PACC1: variants seen among roughly 807,000 people sequenced by gnomAD.
The protein encoded by PACC1 is proton-activated chloride channel.
In PACC1, 34 loss-of-function variants were observed where a neutral mutation model predicts 39.7. The observed-to-expected ratio is 0.86, with a 90% CI of 0.65 to 1.14. The LOEUF (loss-of-function observed/expected upper bound fraction) is 1.14. PACC1 is among the 50% of genes most tolerant of loss of function. The pLI, the probability that PACC1 is intolerant of heterozygous loss-of-function variation, is 0.00. For missense variants in PACC1, 379 were observed against 436.4 expected (o/e 0.87, Z 1.17); for synonymous variants, 127 against 160.6 (o/e 0.79, Z 1.58).
Position 212,407,227 on chromosome 1 carries a change from T to C in PACC1, c.133+3198A>G, listed in dbSNP as rs111488122. Among the ~76,000 whole-genome samples, 590 of 152,206 alleles carry C rather than the reference T, an allele frequency of 3.9e-3. 3 individuals carry two copies. The highest frequency in any genetic ancestry group is 0.014 in the African/African-American group (570 of 41,512). On this transcript the variant is annotated intron_variant, in intron 2 of 7. Coordinates refer to ENST00000261455, the MANE Select transcript of PACC1 (RefSeq NM_018252.3). ...GAGAGTCAGCATCAGAGTGATGTCA[T>C]GTGAGAAAGACTCGACGAGCCACTG...
intron 7 of PACC1, among the ~76,000 whole-genome samples, chr1:212,370,478 A>G (rs933599072): frequency 6.6e-6 from 1 of 152,224 alleles, no homozygotes; most frequent in East Asian, 1.9e-4. Context: ...CAAAACTCCA[A>G]CTGCTACAGA....
intron 4 of PACC1, among the ~76,000 whole-genome samples, chr1:212,383,297 G>A (rs1282910693): frequency 1.3e-5 from 2 of 152,156 alleles, no homozygotes; most frequent in Non-Finnish European, 2.9e-5. Context: ...GGCCTACACA[G>A]GTTTGGAAAT....
intron 7 of PACC1, among the ~76,000 whole-genome samples, chr1:212,374,383 C>T (rs372019099): frequency 3.3e-5 from 5 of 151,842 alleles, no homozygotes; most frequent in Admixed American, 2.0e-4. Flanking sequence ...ATGGAGGTAG[C>T]GAGTAAAATG....
At chr1:212,403,565 G>A (rs889712898) in intron 2 of PACC1, among the ~76,000 whole-genome samples, 15 of 152,010 alleles carry the variant, frequency 9.9e-5, no homozygotes, top group South Asian at 4.2e-4. Context: ...CAACAAATAG[G>A]TTTTTTTTCT....
chr1:212,410,361 C>T (rs1428191757), intron 2 of PACC1, 64 bp downstream of exon 2: 2 of 1,485,788 alleles, frequency 1.3e-6, no homozygotes, highest in East Asian at 4.5e-5. Context: ...CCACAGTTGG[C>T]AAGGCGCCTA....
intron 2 of PACC1, among the ~76,000 whole-genome samples, chr1:212,396,727 G>A (rs1326623528): frequency 4.3e-5 from 6 of 138,880 alleles, no homozygotes; most frequent in African/African-American, 1.4e-4. Flanking sequence ...AAACCATCCC[G>A]AGGCAAATAA....
chr1:212,377,433 C>T (rs1207893134), intron 6 of PACC1, 129 bp downstream of exon 6: 5 of 1,286,338 alleles, frequency 3.9e-6, no homozygotes, highest in Non-Finnish European at 4.3e-6. Context: ...AGTCCCTTCT[C>T]ATCCTGACCA....
At chr1:212,375,334 CT>C (rs1558165676) in intron 6 of PACC1, 34 bp from the exon 7 acceptor site, 1 of 1,462,332 alleles carries the variant, frequency 6.8e-7, no homozygotes, top group Admixed American at 1.7e-5. Flanking sequence ...GTGTTACCAC[CT>C]CTGTGTGCCC....
chr1:212,398,188 T>C (rs75503411), intron 2 of PACC1, among the ~76,000 whole-genome samples: 1,541 of 152,268 alleles, frequency 0.01, 35 homozygotes, highest in African/African-American at 0.034. Flanking sequence ...ATAAAGATCA[T>C]AGAACTATAA....
At chr1:212,367,993 T>C (rs1251111160) in intron 7 of PACC1, among the ~76,000 whole-genome samples, 1 of 152,052 alleles carries the variant, frequency 6.6e-6, no homozygotes, top group Non-Finnish European at 1.5e-5. Flanking sequence ...TGGGAGTACC[T>C]GCCTTACCCC....
chr1:212,374,893 C>G lies in PACC1; in HGVS notation c.891+300G>C, dbSNP rs117831223. 1.9e-4 allele frequency among the ~76,000 whole-genome samples: 29 copies of G among 152,302 alleles called. No individual in the cohort carries two copies. The East Asian group carries it at 4.8e-3, about 25-fold the overall frequency. On this transcript the variant is annotated intron_variant, in intron 7 of 7. Transcript: ENST00000261455. The stretch of plus-strand genomic sequence containing the variant: ...AAGCAGCTACTTTGCACTAAGCACT[C>G]CACTATATCCCAGATAAATTATGGT...
At chr1:212,393,485 G>C (rs1661402275) in intron 2 of PACC1, among the ~76,000 whole-genome samples, 2 of 152,168 alleles carry the variant, frequency 1.3e-5, no homozygotes, top group African/African-American at 4.8e-5. Flanking sequence ...GAGAAAGCAG[G>C]AAAGACCTAA....
At chr1:212,412,092 G>A (rs1210312775) in intron 1 of PACC1, among the ~76,000 whole-genome samples, 1 of 151,506 alleles carries the variant, frequency 6.6e-6, no homozygotes, top group East Asian at 1.9e-4. Context: ...AGTGAGCCGA[G>A]ATCGCACCAT....
rs558343774 is a variant in PACC1, at chr1:212,371,657, T to C, written c.891+3536A>G. 3.9e-5 allele frequency among the ~76,000 whole-genome samples: 6 copies of C among 151,954 alleles called. No individual in the cohort carries two copies. In the East Asian group the frequency reaches 7.8e-4, roughly 20 times the overall value. ...CAAACTATTCCAAAAAATTGAAGAA[T>C]ATTCCCAAACTCGGTTCTGCAAGGC... On this transcript the variant is annotated intron_variant, in intron 7 of 7. Coordinates refer to ENST00000261455, the MANE Select transcript of PACC1 (RefSeq NM_018252.3).
At chr1:212,405,224 T>C (rs960548895) in intron 2 of PACC1, among the ~76,000 whole-genome samples, 3 of 152,216 alleles carry the variant, frequency 2.0e-5, no homozygotes, top group African/African-American at 7.2e-5. Context: ...AGAGGACAAA[T>C]AGGTACTGAG....
At chr1:212,365,779 TGAAA>T (rs1365969259) in intron 7 of PACC1, among the ~76,000 whole-genome samples, 1 of 152,246 alleles carries the variant, frequency 6.6e-6, no homozygotes, top group Non-Finnish European at 1.5e-5. Context: ...AAAGTGATTC[TGAAA>T]GAAAGCTGTT....
intron 7 of PACC1, among the ~76,000 whole-genome samples, chr1:212,373,030 A>G (rs944130235): frequency 6.6e-6 from 1 of 152,226 alleles, no homozygotes; most frequent in African/African-American, 2.4e-5. Flanking sequence ...GGAACTACAA[A>G]AAACCCCAGA....
intron 2 of PACC1, among the ~76,000 whole-genome samples, chr1:212,394,038 A>T (rs906688364): frequency 7.2e-5 from 11 of 152,182 alleles, no homozygotes; most frequent in Middle Eastern, 3.4e-3. Context: ...TTCCTTCTGA[A>T]ACTATTCCAA....
chr1:212,374,731 G>C (rs1395150878), intron 7 of PACC1, among the ~76,000 whole-genome samples: 5 of 151,862 alleles, frequency 3.3e-5, no homozygotes, highest in African/African-American at 9.7e-5. Context: ...TATTTTATTT[G>C]TACCATTATG....
Sources: allele counts gnomAD v4.1 joint callset (sites outside exome capture counted in the v4.1 genomes callset), GRCh38; gene constraint gnomAD v4.1.1; transcripts MANE v1.5; gene names NCBI Gene and HGNC (gene_info 2026-07-23, HGNC 2026-07-21).